Variants in GALNT13 observed in about 807,000 individuals in gnomAD.
The protein encoded by GALNT13 is UDP-GalNAc:polypeptide N-acetylgalactosaminyltransferase 13.
In GALNT13, 28 loss-of-function variants were observed where a neutral mutation model predicts 64.2. That is an observed-to-expected ratio of 0.44 (90% CI 0.32 to 0.60). The LOEUF is 0.60. Among genes scored for constraint, GALNT13 ranks in the 20% least tolerant of loss-of-function variants. The probability of loss-of-function intolerance (pLI) is 0.05; values close to 1 mark genes in which losing one functional copy is unlikely to be tolerated. For missense variants in GALNT13, 577 were observed against 669.8 expected, an observed-to-expected ratio of 0.86 and a Z score of 1.53; for synonymous variants, 214 against 224.6, an observed-to-expected ratio of 0.95 and a Z score of 0.42.
chr2:153,607,905 T>A, the GALNT13 span, among the ~76,000 whole-genome samples: 6 of 152,126 alleles, frequency 3.9e-5, no homozygotes, highest in African/African-American at 1.4e-4. Flanking sequence ...TAGCCACACA[T>A]AGTTAGCTAG....
intron 3 of GALNT13, among the ~76,000 whole-genome samples, chr2:154,000,309 A>C (rs1341661940): frequency 6.6e-6 from 1 of 151,010 alleles, no homozygotes; most frequent in Non-Finnish European, 1.5e-5. Context: ...TATCTCATTT[A>C]TTTCTGCTCT....
the GALNT13 span, among the ~76,000 whole-genome samples, chr2:153,706,024 G>A: frequency 3.3e-5 from 5 of 151,794 alleles, no homozygotes; most frequent in Admixed American, 2.6e-4. Context: ...TTGAGACAGA[G>A]CCTAACTCTG....
At chr2:154,059,395 TA>T (rs1366769836) in intron 3 of GALNT13, among the ~76,000 whole-genome samples, 1 of 152,234 alleles carries the variant, frequency 6.6e-6, no homozygotes, top group Non-Finnish European at 1.5e-5. Flanking sequence ...AGGAGCGTGA[TA>T]AAATTCAAGT....
the GALNT13 span, among the ~76,000 whole-genome samples, chr2:153,455,239 G>C: frequency 2.6e-5 from 4 of 152,118 alleles, no homozygotes; most frequent in Non-Finnish European, 5.9e-5. Flanking sequence ...TAAGAAACAA[G>C]GGATAAAATT....
the GALNT13 span, among the ~76,000 whole-genome samples, chr2:153,674,054 G>A: frequency 7.0e-3 from 1,070 of 152,132 alleles, 11 homozygotes; most frequent in African/African-American, 0.024. Flanking sequence ...ATAAAAGAGG[G>A]CACAAACAAA....
chr2:153,913,952 C>A (rs1412272461), intron 2 of GALNT13, among the ~76,000 whole-genome samples: 1 of 152,242 alleles, frequency 6.6e-6, no homozygotes, highest in Middle Eastern at 3.4e-3. Flanking sequence ...ATTATTTTCT[C>A]TTTGTTCCTT....
chr2:154,339,841 G>A (rs1014670670), intron 9 of GALNT13, among the ~76,000 whole-genome samples: 3 of 151,984 alleles, frequency 2.0e-5, no homozygotes, highest in Admixed American at 2.0e-4. Context: ...CAAATTGATG[G>A]CTTATTTTGC....
At chr2:153,730,054 A>C in the GALNT13 span, among the ~76,000 whole-genome samples, 3 of 151,984 alleles carry the variant, frequency 2.0e-5, no homozygotes, top group African/African-American at 7.2e-5. Flanking sequence ...CTATCAAATT[A>C]CCAATGTCAT....
chr2:153,069,929 A>G, the GALNT13 span, among the ~76,000 whole-genome samples: 4 of 152,138 alleles, frequency 2.6e-5, no homozygotes, highest in African/African-American at 9.7e-5. Context: ...TGTGAATGCC[A>G]TTATATTTGA....
At chr2:154,362,386 A>G (rs1013513003) in intron 9 of GALNT13, among the ~76,000 whole-genome samples, 20 of 151,908 alleles carry the variant, frequency 1.3e-4, no homozygotes, top group African/African-American at 3.1e-4. Context: ...AAAGATTTGT[A>G]TATTTCATCT....
chr2:153,981,900 A>G (rs935283595), intron 3 of GALNT13, among the ~76,000 whole-genome samples: 2 of 151,798 alleles, frequency 1.3e-5, no homozygotes, highest in Non-Finnish European at 2.9e-5. Context: ...TTTTTTCTCC[A>G]TTATTATTAT....
At chr2:153,798,585 G>A in the GALNT13 span, among the ~76,000 whole-genome samples, 2 of 152,016 alleles carry the variant, frequency 1.3e-5, no homozygotes. Context: ...AAAATGTCCT[G>A]GTTTAAGATA....
At chr2:153,874,999 C>T (rs1201726296) in intron 1 of GALNT13, among the ~76,000 whole-genome samples, 1 of 152,018 alleles carries the variant, frequency 6.6e-6, no homozygotes, top group African/African-American at 2.4e-5. Context: ...GTGAAAAGTT[C>T]TCTCTTTTAA....
intron 2 of GALNT13, among the ~76,000 whole-genome samples, chr2:153,943,501 T>C (rs1339058594): frequency 7.8e-5 from 1 of 12,864 alleles, no homozygotes; most frequent in Admixed American, 3.8e-4. Context: ...ATGTATGTAT[T>C]TTTTTTTTTT....
chr2:153,932,681 G>A (rs1346470216), intron 2 of GALNT13, among the ~76,000 whole-genome samples: 2 of 126,876 alleles, frequency 1.6e-5, no homozygotes, highest in Non-Finnish European at 3.1e-5. Context: ...AGCCTCGAAT[G>A]CAATGGTGCA....
the GALNT13 span, among the ~76,000 whole-genome samples, chr2:153,833,767 C>A: frequency 2.9e-4 from 44 of 151,942 alleles, no homozygotes; most frequent in African/African-American, 9.9e-4. Context: ...ATATTGCCAA[C>A]CCCTGTTTTA....
At chr2:154,234,635 T>C (rs1178514242) in intron 4 of GALNT13, among the ~76,000 whole-genome samples, 2 of 152,184 alleles carry the variant, frequency 1.3e-5, no homozygotes, top group Non-Finnish European at 2.9e-5. Flanking sequence ...AAAAAATCAA[T>C]TGAAGATATG....
At chr2:154,375,519 T>G (rs1299581921) in intron 9 of GALNT13, among the ~76,000 whole-genome samples, 1 of 152,174 alleles carries the variant, frequency 6.6e-6, no homozygotes, top group East Asian at 1.9e-4. Flanking sequence ...CGGAAAGAGA[T>G]GTAACCACTA....
chr2:153,583,211 A>G, the GALNT13 span, among the ~76,000 whole-genome samples: 1 of 152,196 alleles, frequency 6.6e-6, no homozygotes, highest in Admixed American at 6.6e-5. Flanking sequence ...ATAAGCTTTT[A>G]AGCCATGAAG....
Sources: gnomAD v4.1 joint callset for allele counts (sites outside exome capture counted in the v4.1 genomes callset) on GRCh38, gnomAD v4.1.1 for gene constraint, MANE v1.5 for transcripts, NCBI Gene and HGNC (gene_info 2026-07-23, HGNC 2026-07-21) for gene names.